Variants in SLC9A9 observed in about 807,000 individuals in gnomAD.
SLC9A9 encodes the protein sodium/hydrogen exchanger 9.
Under a neutral mutation model 77.8 loss-of-function variants are expected in SLC9A9, and 62 were observed. The ratio of observed to expected loss-of-function variants is 0.80; its 90% CI spans 0.65 to 0.98. SLC9A9 has a LOEUF of 0.98. Among genes scored for constraint, SLC9A9 ranks in the 50% least tolerant of loss-of-function variants. SLC9A9 has a pLI of 0.00. For synonymous variants in SLC9A9, 320 were observed against 283.5 expected, an observed-to-expected ratio of 1.13 and a Z score of -1.29; for missense variants, 775 against 774.9, an observed-to-expected ratio of 1.00 and a Z score of 0.00.
intron 2 of SLC9A9, among the ~76,000 whole-genome samples, chr3:143,830,440 T>A (rs2009405910): frequency 6.6e-6 from 1 of 152,188 alleles, no homozygotes; most frequent in Non-Finnish European, 1.5e-5. Context: ...CCCTAATTTT[T>A]CAAAAGCAAA....
At chr3:143,841,912 C>T (rs1275087703) in intron 1 of SLC9A9, among the ~76,000 whole-genome samples, 1 of 152,086 alleles carries the variant, frequency 6.6e-6, no homozygotes, top group Non-Finnish European at 1.5e-5. Flanking sequence ...CGCCACTATA[C>T]CTGGCTAATT....
At chr3:143,838,438 A>C (rs2009628026) in intron 1 of SLC9A9, among the ~76,000 whole-genome samples, 1 of 149,182 alleles carries the variant, frequency 6.7e-6, no homozygotes, top group African/African-American at 2.5e-5. Flanking sequence ...GGTGGTCGGC[A>C]AGGTGGTCTC....
intron 6 of SLC9A9, among the ~76,000 whole-genome samples, chr3:143,619,908 G>A (rs1292886977): frequency 6.6e-6 from 1 of 152,192 alleles, no homozygotes; most frequent in Non-Finnish European, 1.5e-5. Context: ...GTATTTTGTT[G>A]AAGGTCAAAT....
intron 12 of SLC9A9, among the ~76,000 whole-genome samples, chr3:143,431,821 C>T (rs576886395): frequency 4.4e-4 from 67 of 152,250 alleles, no homozygotes; most frequent in East Asian, 1.2e-3. Context: ...CCCTCCTACT[C>T]TCCTACATGC....
intron 4 of SLC9A9, among the ~76,000 whole-genome samples, chr3:143,767,344 G>A (rs1224141174): frequency 2.0e-5 from 3 of 151,348 alleles, no homozygotes; most frequent in Non-Finnish European, 4.4e-5. Flanking sequence ...CCTTTCAGGT[G>A]ATTTGGTTTG....
chr3:143,503,966 T>C, intron 9 of SLC9A9: 1 of 395,536 alleles, frequency 2.5e-6, no homozygotes, highest in South Asian at 2.0e-5. Context: ...TCCATGGTAG[T>C]TAATACACTG....
At chr3:143,653,058 GAATGAATA>G (rs2038827281) in intron 5 of SLC9A9, among the ~76,000 whole-genome samples, 2 of 152,202 alleles carry the variant, frequency 1.3e-5, no homozygotes, top group South Asian at 4.1e-4. Context: ...ATGAATGAGT[GAATGAATA>G]AATGAATAAA....
chr3:143,390,024 T>A (rs78501814), intron 12 of SLC9A9, among the ~76,000 whole-genome samples: 1 of 152,200 alleles, frequency 6.6e-6, no homozygotes, highest in African/African-American at 2.4e-5. Flanking sequence ...CACACTGTCA[T>A]TGACAGGTAC....
rs892753245 is a variant in SLC9A9, at chr3:143,278,715, T to C, written c.1605-9735A>G. Among the ~76,000 whole-genome samples, 2 of 152,206 alleles carry C rather than the reference T, an allele frequency of 1.3e-5. 1 individual carries two copies. The highest frequency in any genetic ancestry group is 6.3e-3 in the Middle Eastern group (2 of 316). On this transcript the variant is annotated intron_variant, in intron 14 of 15. Transcript: ENST00000316549. ...AGCACGACCTTGTCTTAACTACATA[T>C]ATAAGTGAACCTATTTGCAAATAAG...
At chr3:143,391,499 G>GA (rs2033565150) in intron 12 of SLC9A9, among the ~76,000 whole-genome samples, 2 of 152,142 alleles carry the variant, frequency 1.3e-5, no homozygotes, top group African/African-American at 4.8e-5. Flanking sequence ...CAAAGATGGG[G>GA]AAAAAACAGA....
chr3:143,589,371 C>T (rs1380854325), intron 6 of SLC9A9, among the ~76,000 whole-genome samples: 2 of 152,110 alleles, frequency 1.3e-5, no homozygotes, highest in Non-Finnish European at 2.9e-5. Flanking sequence ...CCATGCACTG[C>T]ATAATGACAT....
At chr3:143,310,415 T>A (rs1000995877) in intron 14 of SLC9A9, among the ~76,000 whole-genome samples, 1 of 151,826 alleles carries the variant, frequency 6.6e-6, no homozygotes, top group African/African-American at 2.4e-5. Flanking sequence ...CACGTAAATC[T>A]GGGGCTGCTA....
intron 8 of SLC9A9, among the ~76,000 whole-genome samples, chr3:143,564,073 T>A (rs1458937657): frequency 6.6e-6 from 1 of 152,200 alleles, no homozygotes; most frequent in Non-Finnish European, 1.5e-5. Context: ...CAAGAAATGT[T>A]TATGTGCTTT....
At chr3:143,568,250 G>A (rs1331178155) in intron 8 of SLC9A9, among the ~76,000 whole-genome samples, 1 of 152,112 alleles carries the variant, frequency 6.6e-6, no homozygotes, top group Non-Finnish European at 1.5e-5. Flanking sequence ...ACATACCAGG[G>A]GAAGAGTGTC....
At chr3:143,579,361 G>A (rs964007617) in intron 6 of SLC9A9, among the ~76,000 whole-genome samples, 67 of 152,198 alleles carry the variant, frequency 4.4e-4, no homozygotes, top group Admixed American at 1.9e-3. Context: ...CAATTCTGGC[G>A]GCTGCCAACA....
At chr3:143,461,860 C>A (rs16853629) in intron 12 of SLC9A9, among the ~76,000 whole-genome samples, 43,922 of 151,940 alleles carry the variant, frequency 0.29, 6,604 homozygotes, top group East Asian at 0.49. Flanking sequence ...CCTCAGTAAT[C>A]AAGGAAGTCT....
At chr3:143,329,261 G>C (rs1317665004) in intron 14 of SLC9A9, among the ~76,000 whole-genome samples, 1 of 152,210 alleles carries the variant, frequency 6.6e-6, no homozygotes, top group Non-Finnish European at 1.5e-5. Flanking sequence ...ATGTGTTTGG[G>C]GTGGAGGTGG....
At chr3:143,803,242 C>T (rs1418542906) in intron 2 of SLC9A9, among the ~76,000 whole-genome samples, 1 of 152,208 alleles carries the variant, frequency 6.6e-6, no homozygotes, top group African/African-American at 2.4e-5. Flanking sequence ...CTCTCCCCTA[C>T]TTCCCTTAAA....
At chr3:143,591,415 A>G (rs1576596289) in intron 6 of SLC9A9, among the ~76,000 whole-genome samples, 1 of 152,242 alleles carries the variant, frequency 6.6e-6, no homozygotes, top group South Asian at 2.1e-4. Flanking sequence ...AATCTTATCA[A>G]AGGAAGTTTT....
Sources: gnomAD v4.1 joint callset for allele counts (sites outside exome capture counted in the v4.1 genomes callset) on GRCh38, gnomAD v4.1.1 for gene constraint, MANE v1.5 for transcripts, NCBI Gene and HGNC (gene_info 2026-07-23, HGNC 2026-07-21) for gene names.